MYO10: variants seen among roughly 807,000 people sequenced by gnomAD.
The protein encoded by MYO10 is myosin X.
A neutral mutation model predicts 257.3 loss-of-function variants in MYO10; 133 were observed. That is an observed-to-expected ratio of 0.52 (90% confidence interval 0.45 to 0.60). The LOEUF is 0.60. Ranked by LOEUF, MYO10 falls within the 20% of genes least tolerant of loss-of-function variation. The probability of loss-of-function intolerance (pLI) is 0.00; values close to 1 mark genes in which losing one functional copy is unlikely to be tolerated. For synonymous variants in MYO10, 1,104 were observed against 1,028.6 expected (o/e 1.07, Z -1.40); for missense variants, 2,399 against 2,635.7 (o/e 0.91, Z 1.97).
At chr5:16,671,089 G>GACTGCCCTGGCTAAAACTGTACCC (rs1736437288) in intron 38 of MYO10, 111 bp from the exon 39 acceptor site, 5 of 1,032,226 alleles carry the variant, frequency 4.8e-6, no homozygotes, top group African/African-American at 1.6e-5. Context: ...CACCTTCCCT[G>GACTGCCCTGGCTAAAACTGTACCC]ACTGCCCTGG....
chr5:16,848,935 C>T (rs902625764), intron 2 of MYO10, among the ~76,000 whole-genome samples: 1 of 152,102 alleles, frequency 6.6e-6, no homozygotes, highest in East Asian at 1.9e-4. Context: ...CAGGAAAACA[C>T]CAAATATTAT....
At chr5:16,739,432 G>GAT (rs751613213) in intron 19 of MYO10, among the ~76,000 whole-genome samples, 32 of 151,880 alleles carry the variant, frequency 2.1e-4, no homozygotes, top group Non-Finnish European at 3.8e-4. Flanking sequence ...ATACACATTG[G>GAT]ATATATATAT....
chr5:16,710,678 T>G, intron 21 of MYO10: 1 of 562,906 alleles, frequency 1.8e-6, no homozygotes, highest in Non-Finnish European at 3.2e-6. Context: ...GGATGAGATG[T>G]TTCAATGTGT....
At chr5:16,787,118 G>C (rs1462647183) in intron 4 of MYO10, among the ~76,000 whole-genome samples, 8 of 152,136 alleles carry the variant, frequency 5.3e-5, no homozygotes, top group Non-Finnish European at 1.0e-4. Flanking sequence ...GCAGTGAGCA[G>C]AGATTGCATC....
intron 19 of MYO10, among the ~76,000 whole-genome samples, chr5:16,722,004 C>G (rs1561209279): frequency 6.6e-6 from 1 of 152,176 alleles, no homozygotes; most frequent in Non-Finnish European, 1.5e-5. Flanking sequence ...TTTAGTCCAA[C>G]CATAGATCAT....
At chr5:16,912,812 A>G (rs866865479) in intron 1 of MYO10, among the ~76,000 whole-genome samples, 13 of 142,474 alleles carry the variant, frequency 9.1e-5, no homozygotes, top group South Asian at 2.4e-4. Flanking sequence ...GCACACACAC[A>G]CACACACACA....
chr5:16,764,504 G>T, intron 11 of MYO10, 108 bp from the exon 12 acceptor site: 1 of 1,213,432 alleles, frequency 8.2e-7, no homozygotes, highest in Non-Finnish European at 1.1e-6. Context: ...ATAGCATCTG[G>T]CCCTCCAGTG....
chr5:16,725,932 C>T (rs774020365), intron 19 of MYO10, among the ~76,000 whole-genome samples: 4 of 151,896 alleles, frequency 2.6e-5, no homozygotes, highest in South Asian at 2.1e-4. Flanking sequence ...GGATTATAGG[C>T]GCACGCTGCC....
intron 10 of MYO10, 94 bp downstream of exon 10, chr5:16,768,980 T>C (rs1384000773): frequency 7.1e-7 from 1 of 1,416,512 alleles, no homozygotes; most frequent in African/African-American, 1.5e-5. Context: ...CTGGCCAGAA[T>C]TTTCTTTCTG....
Position 16,701,147 on chromosome 5 carries a change from G to GGCA in MYO10, c.3245_3247dup (p.Leu1082dup), listed in dbSNP as rs752099507. 9 of 1,602,226 alleles carry GGCA rather than the reference G, an allele frequency of 5.6e-6. No homozygotes were observed. The highest frequency in any genetic ancestry group is 7.7e-6 in the Non-Finnish European group (9 of 1,174,678). On this transcript the variant is annotated inframe_insertion, in exon 25 of 41. Coordinates refer to ENST00000513610, the MANE Select transcript of MYO10 (RefSeq NM_012334.3). This position sits in a 1 kb window ranked among gnomAD's most constrained non-coding sequence, Gnocchi z 8.1. ...GTAGTCGTAGTCGCCGTCTGGGGAG[G>GGCA]GCAAGTCCCCAGCGTTCTGGGGCAT...
At chr5:16,759,639 G>A (rs953583826) in intron 17 of MYO10, among the ~76,000 whole-genome samples, 45 of 152,132 alleles carry the variant, frequency 3.0e-4, no homozygotes, top group Admixed American at 2.8e-3. Flanking sequence ...GGCAGCTGGC[G>A]AAACTCCACC....
At chr5:16,856,572 G>A (rs1192895593) in intron 2 of MYO10, among the ~76,000 whole-genome samples, 3 of 151,984 alleles carry the variant, frequency 2.0e-5, no homozygotes, top group Admixed American at 6.6e-5. Context: ...AGAGCGAGCC[G>A]TTTCTTTCCT....
At chr5:16,800,845 G>A (rs371636246) in intron 3 of MYO10, among the ~76,000 whole-genome samples, 9 of 152,118 alleles carry the variant, frequency 5.9e-5, no homozygotes, top group Non-Finnish European at 1.0e-4. Flanking sequence ...GTAAAAGGTC[G>A]TCTGAATGCG....
Position 16,690,018 on chromosome 5 carries a change from GTC to G in MYO10, c.3801-101_3801-100del. ...AAGCCAATGACTAGAGTTGGGAACT[GTC>G]TGTTACTGACGAAACGGTACACAGT... On this transcript the variant is annotated intron_variant, in intron 27 of 40. Transcript: ENST00000513610. The G allele has an allele frequency of 3.5e-6, 3 of 867,440 alleles. No individual in the cohort carries two copies. In the South Asian group the frequency reaches 4.3e-5, roughly 12 times the overall value. 53.7% of individuals were successfully genotyped at this position (867,440 alleles called of 1,614,324 possible).
intron 2 of MYO10, among the ~76,000 whole-genome samples, chr5:16,830,096 C>T (rs139867806): frequency 0.013 from 1,919 of 152,032 alleles, 35 homozygotes; most frequent in African/African-American, 0.044. Flanking sequence ...ATTAGCCGGG[C>T]GTCATGGTGC....
chr5:16,680,477 C>A (rs941574868), intron 32 of MYO10, among the ~76,000 whole-genome samples: 1 of 152,128 alleles, frequency 6.6e-6, no homozygotes, highest in African/African-American at 2.4e-5. Context: ...CTTCCTATTT[C>A]TTCCTTTCCT....
chr5:16,858,735 G>A (rs571604740), intron 2 of MYO10, among the ~76,000 whole-genome samples: 3 of 152,208 alleles, frequency 2.0e-5, no homozygotes, highest in Admixed American at 1.3e-4. Flanking sequence ...CGAGGTGGGC[G>A]GGTAACGAGG....
In MYO10 at chr5:16,829,298, G is replaced by A. The variant is rs184094269; in HGVS notation, c.121-11131C>T. ...GAAAGGCACATAAGTGGTTAGGGAGGGCACAGAATCTTCTCTACCTGCTCA... is the reference window on the plus strand; with the variant it reads ...GAAAGGCACATAAGTGGTTAGGGAGAGCACAGAATCTTCTCTACCTGCTCA... On this transcript the variant is annotated intron_variant, in intron 2 of 40. Coordinates refer to ENST00000513610, the MANE Select transcript of MYO10 (RefSeq NM_012334.3). Among the ~76,000 whole-genome samples the A allele has an allele frequency of 5.9e-5, 9 of 152,184 alleles. No homozygotes were observed. The East Asian group carries it at 9.7e-4, about 16-fold the overall frequency.
chr5:16,932,387 A>C (rs1746315448), intron 1 of MYO10, among the ~76,000 whole-genome samples: 1 of 152,184 alleles, frequency 6.6e-6, no homozygotes, highest in Non-Finnish European at 1.5e-5. Flanking sequence ...TGAAGACATG[A>C]AAACAGTGTC....
Sources: allele counts gnomAD v4.1 joint callset (sites outside exome capture counted in the v4.1 genomes callset), GRCh38; gene constraint gnomAD v4.1.1; non-coding constraint Gnocchi (gnomAD v3.1); transcripts MANE v1.5; gene names NCBI Gene and HGNC (gene_info 2026-07-23, HGNC 2026-07-21).